GCKR: variants seen among roughly 807,000 people sequenced by gnomAD.
The protein encoded by GCKR is glucokinase regulator.
GCKR carries 73 observed loss-of-function variants against 82.9 expected under a neutral mutation model. The ratio of observed to expected loss-of-function variants is 0.88; its 90% CI spans 0.73 to 1.07. GCKR has a LOEUF of 1.07. Among genes scored for constraint, GCKR ranks in the 50% least tolerant of loss-of-function variants. The pLI is 0.00. For missense variants in GCKR, 784 were observed against 782.1 expected, an observed-to-expected ratio of 1.00 and a Z score of -0.03; for synonymous variants, 294 against 291.8, an observed-to-expected ratio of 1.01 and a Z score of -0.08.
At chr2:27,506,392 C>T (rs548817754) in intron 10 of GCKR, 89 bp from the exon 11 acceptor site, 3 of 850,218 alleles carry the variant, frequency 3.5e-6, no homozygotes, top group Admixed American at 3.5e-5. Flanking sequence ...TCTAAGGGAG[C>T]TGTGCCTTCA....
At chr2:27,497,476 G>T (rs1669442771) in intron 2 of GCKR, 77 bp downstream of exon 2, 1 of 1,584,848 alleles carries the variant, frequency 6.3e-7, no homozygotes, top group Non-Finnish European at 8.7e-7. Flanking sequence ...CCTCACCATG[G>T]CTCCTAATAT....
rs376128186 is a variant in GCKR at position 27,523,295 on chromosome 2, C to G, written c.1734C>G (p.Leu578=). Reference sequence around the variant, plus strand: ...TGATACCCATCGCCTTGCTGAGCCTCCTATTCCGGTGCTCGATCACTGAGG... The same window carrying G: ...TGATACCCATCGCCTTGCTGAGCCTGCTATTCCGGTGCTCGATCACTGAGG... ...EQVIPIALLS[L]LFRCSITEAQ... is the part of the protein sequence containing the mutation. The change falls in exon 19 of 19, where the codon CTC becomes CTG. Residue 578 remains leucine, a synonymous_variant. Coordinates refer to ENST00000264717, the MANE Select transcript of GCKR (RefSeq NM_001486.4). 9.9e-6 allele frequency: 16 copies of G among 1,613,060 alleles called. No homozygotes were observed. Among genetic ancestry groups the G allele is most frequent in the Non-Finnish European group, 1.4e-5 (16 of 1,179,938 alleles).
rs1669946450 is a variant in GCKR, at chr2:27,513,938, TG to T, written c.1423-4849del. Among the ~76,000 whole-genome samples the T allele has an allele frequency of 5.3e-5, 8 of 151,584 alleles. No individual in the cohort carries two copies. In the East Asian group the frequency reaches 9.7e-4, roughly 18 times the overall value. ...GTGTGTGTGTGTGTGTGTGTGTGTG[TG>T]TGTGTGTGTAACAATAGTTTGCCCT... On this transcript the variant is annotated intron_variant, in intron 16 of 18. Coordinates refer to ENST00000264717, the MANE Select transcript of GCKR (RefSeq NM_001486.4).
intron 16 of GCKR, among the ~76,000 whole-genome samples, chr2:27,508,714 T>C (rs1669809750): frequency 6.6e-6 from 1 of 152,124 alleles, no homozygotes. Flanking sequence ...GGTTTCCTCA[T>C]GTTGGCCAGG....
chr2:27,512,943 T>C (rs971729161), intron 16 of GCKR, among the ~76,000 whole-genome samples: 1 of 152,168 alleles, frequency 6.6e-6, no homozygotes, highest in South Asian at 2.1e-4. Flanking sequence ...TCAGGTTAAA[T>C]TTTTTGGCAG....
chr2:27,510,153 T>C (rs1377719690), intron 16 of GCKR, among the ~76,000 whole-genome samples: 3 of 151,868 alleles, frequency 2.0e-5, no homozygotes, highest in South Asian at 4.2e-4. Flanking sequence ...GGACTACAGG[T>C]GCCCGCCACC....
At chr2:27,506,020 C>T (rs930290815) in intron 10 of GCKR, among the ~76,000 whole-genome samples, 184 bp downstream of exon 10, 4 of 152,160 alleles carry the variant, frequency 2.6e-5, no homozygotes, top group Admixed American at 6.5e-5. Flanking sequence ...TTGCAGAGTC[C>T]GAATTGTTTC....
At chr2:27,522,912 T>TG (rs1670185404) in intron 18 of GCKR, among the ~76,000 whole-genome samples, 1 of 151,362 alleles carries the variant, frequency 6.6e-6, no homozygotes, top group Non-Finnish European at 1.5e-5. Flanking sequence ...TTTTTTTTTT[T>TG]TGAGAGAGAG....
chr2:27,499,465 G>T lies in GCKR; in HGVS notation c.549+15G>T, dbSNP rs1669519230. The T allele has an allele frequency of 1.3e-6, 2 of 1,561,562 alleles. No homozygotes were observed. Among genetic ancestry groups the T allele is most frequent in the South Asian group, 2.2e-5 (2 of 90,016 alleles). On this transcript the variant is annotated intron_variant, in intron 7 of 18. Transcript: ENST00000264717. ...TGGGACTCTCTGTGAGTAAAAAGAT[G>T]GGTTGAGTGGATCAATTTTAGAGAG...
At chr2:27,518,287 C>A (rs1670057276) in intron 16 of GCKR, among the ~76,000 whole-genome samples, 1 of 152,240 alleles carries the variant, frequency 6.6e-6, no homozygotes, top group Non-Finnish European at 1.5e-5. Context: ...CTCAGGTGAT[C>A]CCCCAACCTT....
intron 18 of GCKR, 88 bp from the exon 19 acceptor site, chr2:27,523,181 G>A: frequency 9.1e-7 from 1 of 1,101,026 alleles, no homozygotes; most frequent in Non-Finnish European, 1.4e-6. Context: ...TTACAGGCGT[G>A]AGCCACTGCG....
At chr2:27,500,514 G>T (rs539215959) in intron 7 of GCKR, among the ~76,000 whole-genome samples, 1 of 152,340 alleles carries the variant, frequency 6.6e-6, no homozygotes, top group South Asian at 2.1e-4. Flanking sequence ...ATAGCCATAG[G>T]GTTGAGTAGT....
In GCKR at chr2:27,498,718, TG is replaced by T. The variant is rs772180243; in HGVS notation, c.355-5del. 1 of 1,571,460 alleles carries T rather than the reference TG, an allele frequency of 6.4e-7. No individual in the cohort carries two copies. The highest frequency in any genetic ancestry group is 1.7e-5 in the Admixed American group (1 of 59,978). ...TACCTCTTTACATCCTCTCCCTGCTTGACAGGTGTCCTTTAATCAGCTGATG... is the reference window on the plus strand; with the variant it reads ...TACCTCTTTACATCCTCTCCCTGCTTACAGGTGTCCTTTAATCAGCTGATG... On this transcript the variant is annotated splice_polypyrimidine_tract_variant and splice_region_variant and intron_variant, in intron 4 of 18. Transcript: ENST00000264717.
At position 27,499,439 on chromosome 2, in the gene GCKR, G is replaced by A. The variant is rs1424030418; in HGVS notation, c.538G>A (p.Val180Met). The A allele has an allele frequency of 1.2e-6, 2 of 1,610,276 alleles. No homozygotes were observed. Among genetic ancestry groups the A allele is most frequent in the Non-Finnish European group, 1.7e-6 (2 of 1,176,550 alleles). ...KKRVIVIGISVGLSAPFVAGQ... is the reference protein window; with the variant it reads ...KKRVIVIGISMGLSAPFVAGQ... ...GAGAGTGATTGTCATTGGCATTTCT[G>A]TGGGACTCTCTGTGAGTAAAAAGAT... Residue 180 changes from valine (V) to methionine (M), a missense_variant, in exon 7 of 19, where the codon GTG becomes ATG. By Grantham distance (21) the Val-to-Met change is conservative (BLOSUM62 1). Transcript: ENST00000264717.
chr2:27,513,046 C>T (rs1669927860), intron 16 of GCKR, among the ~76,000 whole-genome samples: 1 of 152,156 alleles, frequency 6.6e-6, no homozygotes, highest in South Asian at 2.1e-4. Context: ...ATGCTACATT[C>T]CATCGTTTAG....
chr2:27,502,417 A>G (rs1669607566), intron 8 of GCKR, among the ~76,000 whole-genome samples: 1 of 152,188 alleles, frequency 6.6e-6, no homozygotes, highest in Non-Finnish European at 1.5e-5. Flanking sequence ...GTCATCTGGG[A>G]AGCTTTTTTA....
At chr2:27,504,195 A>G (rs1049872591) in intron 9 of GCKR, among the ~76,000 whole-genome samples, 6 of 152,162 alleles carry the variant, frequency 3.9e-5, no homozygotes, top group Non-Finnish European at 8.8e-5. Flanking sequence ...TGGGCACACC[A>G]TCTGCGACAT....
Position 27,505,709 on chromosome 2 carries a change from C to A in GCKR, c.751-9C>A. ...TCCCAATTCCTCTTGGGTGTCTTCA[C>A]CTCTTCAGCCCGAGGGTCTCAGCGG... On this transcript the variant is annotated splice_polypyrimidine_tract_variant and intron_variant, in intron 9 of 18. Transcript: ENST00000264717. 1 of 1,522,504 alleles carries A rather than the reference C, an allele frequency of 6.6e-7. No individual in the cohort carries two copies. The highest frequency in any genetic ancestry group is 9.1e-7 in the Non-Finnish European group (1 of 1,097,360). 94.3% of individuals were successfully genotyped at this position (1,522,504 alleles called of 1,614,324 possible). A position where few individuals can be genotyped will look rare whatever the true frequency, so the allele number is the denominator to read the frequency against.
intron 16 of GCKR, among the ~76,000 whole-genome samples, chr2:27,517,159 G>T (rs1382127159): frequency 6.6e-6 from 1 of 151,882 alleles, no homozygotes; most frequent in African/African-American, 2.4e-5. Flanking sequence ...ACTTACAGGT[G>T]CTTGCTACCA....
Sources: gnomAD v4.1 joint callset for allele counts (sites outside exome capture counted in the v4.1 genomes callset) on GRCh38, gnomAD v4.1.1 for gene constraint, MANE v1.5 for transcripts, NCBI Gene and HGNC (gene_info 2026-07-23, HGNC 2026-07-21) for gene names.